The following PTPRR variants were observed in gnomAD, a reference collection of about 807,000 sequenced individuals.
The protein encoded by PTPRR is protein tyrosine phosphatase receptor type R.
In PTPRR, 38 loss-of-function variants were observed where a neutral mutation model predicts 77.2. The observed-to-expected ratio is 0.49, with a 90% CI of 0.38 to 0.65. The LOEUF (loss-of-function observed/expected upper bound fraction) is 0.65, where lower values mean the gene tolerates loss of function less well. Among genes scored for constraint, PTPRR ranks in the 30% least tolerant of loss-of-function variants. PTPRR has a pLI of 0.00. For synonymous variants in PTPRR, 299 were observed against 283.1 expected (o/e 1.06, Z -0.57); for missense variants, 744 against 799.2 (o/e 0.93, Z 0.83).
At position 70,743,366 on chromosome 12, in the gene PTPRR, G is replaced by C. The variant is rs73341063; in HGVS notation, c.1007+2452C>G. 7.2e-3 allele frequency among the ~76,000 whole-genome samples: 1,102 copies of C among 152,242 alleles called. 14 individuals carry two copies. The highest frequency in any genetic ancestry group is 0.025 in the African/African-American group (1,036 of 41,542). The stretch of plus-strand genomic sequence containing the variant: ...GCAATGAGAATGAAAGGTGGGAGAA[G>C]AACAATGAGGCAGCAAGTACACTCT... On this transcript the variant is annotated intron_variant, in intron 6 of 13. Transcript: ENST00000283228.
At chr12:70,712,968 A>C (rs541410705) in intron 6 of PTPRR, among the ~76,000 whole-genome samples, 72 of 152,276 alleles carry the variant, frequency 4.7e-4, no homozygotes, top group African/African-American at 1.7e-3. Context: ...TTGTATAAGC[A>C]TCACTACAAT....
At chr12:70,666,246 T>C (rs890949252) in intron 10 of PTPRR, among the ~76,000 whole-genome samples, 2 of 152,198 alleles carry the variant, frequency 1.3e-5, no homozygotes, top group African/African-American at 4.8e-5. Context: ...AATGAAACTT[T>C]CCATCTTTGA....
chr12:70,684,115 T>G lies in PTPRR; in HGVS notation c.1497+12A>C. ...ACACATATAACATTCAGAACTTGAT[T>G]AAAGATCATACCTCATTTTTTTCTT... On this transcript the variant is annotated intron_variant, in intron 10 of 13. Coordinates refer to ENST00000283228, the MANE Select transcript of PTPRR (RefSeq NM_002849.4). 1 of 1,612,724 alleles carries G rather than the reference T, an allele frequency of 6.2e-7. No homozygotes were observed. The highest frequency in any genetic ancestry group is 8.5e-7 in the Non-Finnish European group (1 of 1,179,198).
At chr12:70,651,200 C>T (rs1886382591) in intron 13 of PTPRR, among the ~76,000 whole-genome samples, 1 of 152,144 alleles carries the variant, frequency 6.6e-6, no homozygotes, top group Non-Finnish European at 1.5e-5. Context: ...CTTCAATTTC[C>T]CTTCACCAAA....
intron 2 of PTPRR, among the ~76,000 whole-genome samples, chr12:70,783,867 G>T (rs58767202): frequency 4.0e-5 from 5 of 125,322 alleles, no homozygotes; most frequent in Non-Finnish European, 7.9e-5. Context: ...GGGGGACGGG[G>T]GGGGGGGGCG....
chr12:70,722,100 C>T (rs1456830416), intron 6 of PTPRR, among the ~76,000 whole-genome samples: 1 of 152,166 alleles, frequency 6.6e-6, no homozygotes, highest in South Asian at 2.1e-4. Flanking sequence ...ATGCGCCCCC[C>T]GTGGACGCTT....
intron 2 of PTPRR, among the ~76,000 whole-genome samples, chr12:70,890,340 A>T (rs1353125403): frequency 2.0e-5 from 3 of 152,182 alleles, no homozygotes; most frequent in African/African-American, 4.8e-5. Flanking sequence ...TACTAATAAA[A>T]AGAAGAAAGA....
intron 2 of PTPRR, among the ~76,000 whole-genome samples, chr12:70,890,202 G>T (rs1893311436): frequency 6.6e-6 from 1 of 152,010 alleles, no homozygotes; most frequent in African/African-American, 2.4e-5. Flanking sequence ...TCTCTACATT[G>T]TACTTGCACA....
At chr12:70,825,773 C>T (rs1361283232) in intron 2 of PTPRR, among the ~76,000 whole-genome samples, 7 of 152,146 alleles carry the variant, frequency 4.6e-5, no homozygotes, top group Admixed American at 3.9e-4. Context: ...CATCTTATAT[C>T]GCCCTCAGTT....
intron 13 of PTPRR, among the ~76,000 whole-genome samples, chr12:70,648,380 C>T (rs1399345820): frequency 6.6e-6 from 1 of 152,196 alleles, no homozygotes; most frequent in Non-Finnish European, 1.5e-5. Context: ...GCCAGTTGGT[C>T]ACTCTGCAAT....
chr12:70,768,672 A>C (rs1274615298), intron 2 of PTPRR, among the ~76,000 whole-genome samples: 1 of 152,266 alleles, frequency 6.6e-6, no homozygotes, highest in East Asian at 1.9e-4. Flanking sequence ...GGCCAGCATC[A>C]TCCTGATACC....
intron 2 of PTPRR, among the ~76,000 whole-genome samples, chr12:70,788,331 A>G (rs1891363473): frequency 6.6e-6 from 1 of 152,182 alleles, no homozygotes; most frequent in Non-Finnish European, 1.5e-5. Flanking sequence ...GCACACAAAC[A>G]CAGGGTATCC....
chr12:70,739,766 G>A (rs1889986356), intron 6 of PTPRR, among the ~76,000 whole-genome samples: 1 of 152,170 alleles, frequency 6.6e-6, no homozygotes, highest in African/African-American at 2.4e-5. Flanking sequence ...AGGTTACATG[G>A]CCAGTGGTAG....
intron 10 of PTPRR, among the ~76,000 whole-genome samples, chr12:70,668,391 A>C (rs560295570): frequency 6.6e-6 from 1 of 152,270 alleles, no homozygotes; most frequent in Admixed American, 6.5e-5. Flanking sequence ...AAATATGTTT[A>C]CTATAAAGAT....
chr12:70,746,216 GA>G, intron 5 of PTPRR, 130 bp from the exon 6 acceptor site: 1 of 862,110 alleles, frequency 1.2e-6, no homozygotes, highest in Non-Finnish European at 1.7e-6. Context: ...AGCCCTCTGA[GA>G]GATGATTTCT....
intron 6 of PTPRR, among the ~76,000 whole-genome samples, chr12:70,731,074 A>ACGAGAGAGGAAGGAAGGAGGAAGG (rs1889642066): frequency 1.2e-5 from 1 of 86,874 alleles, no homozygotes. Flanking sequence ...GGAGGAAGGC[A>ACGAGAGAGGAAGGAAGGAGGAAGG]AGAGAGAGGA....
intron 8 of PTPRR, among the ~76,000 whole-genome samples, chr12:70,694,292 GTATC>G (rs879256322): frequency 2.8e-4 from 42 of 152,082 alleles, no homozygotes; most frequent in Non-Finnish European, 5.7e-4. Flanking sequence ...TTCTTTAAGT[GTATC>G]TATATTATCT....
At chr12:70,803,041 G>A (rs1411642684) in intron 2 of PTPRR, among the ~76,000 whole-genome samples, 1 of 152,116 alleles carries the variant, frequency 6.6e-6, no homozygotes. Context: ...ATTTGATAAG[G>A]CTATCTGTTA....
At chr12:70,728,487 T>TATATATAC (rs1565669287) in intron 6 of PTPRR, among the ~76,000 whole-genome samples, 23 of 8,302 alleles carry the variant, frequency 2.8e-3, no homozygotes, top group African/African-American at 3.3e-3. Context: ...TATATATATA[T>TATATATAC]ATATATGTAT....
Sources: allele counts gnomAD v4.1 joint callset (sites outside exome capture counted in the v4.1 genomes callset), GRCh38; gene constraint gnomAD v4.1.1; transcripts MANE v1.5; gene names NCBI Gene and HGNC (gene_info 2026-07-23, HGNC 2026-07-21).